The following TMOD1 variants were observed in gnomAD, a reference collection of about 807,000 sequenced individuals.
The protein encoded by TMOD1 is tropomodulin-1.
In TMOD1, 17 loss-of-function variants were observed where a neutral mutation model predicts 40.6. The ratio of observed to expected loss-of-function variants is 0.42; its 90% CI spans 0.29 to 0.63. The LOEUF is 0.63. Among genes scored for constraint, TMOD1 ranks in the 20% least tolerant of loss-of-function variants. The pLI is 0.22. For missense variants in TMOD1, 391 were observed against 447.6 expected, an observed-to-expected ratio of 0.87 and a Z score of 1.14; for synonymous variants, 181 against 175.0, an observed-to-expected ratio of 1.03 and a Z score of -0.27.
chr9:97,531,872 G>A (rs1564234306), intron 2 of TMOD1, among the ~76,000 whole-genome samples: 1 of 152,108 alleles, frequency 6.6e-6, no homozygotes, highest in Non-Finnish European at 1.5e-5. Context: ...AGACATCCAA[G>A]CATCAACAAA....
Position 97,529,720 on chromosome 9 carries a change from C to G in TMOD1, c.120+5412C>G, listed in dbSNP as rs112305993. On this transcript the variant is annotated intron_variant, in intron 2 of 9. Coordinates refer to ENST00000259365, the MANE Select transcript of TMOD1 (RefSeq NM_003275.4). ...TCTCTCTGGAGTTAAGTGGATGCTG[C>G]TCTGAAGCAGAGCCAGCTCCTCAGT... Among the ~76,000 whole-genome samples, 28 of 152,330 alleles carry G rather than the reference C, an allele frequency of 1.8e-4. 1 individual carries two copies. The highest frequency in any genetic ancestry group is 6.5e-4 in the African/African-American group (27 of 41,574).
chr9:97,584,251 G>A lies in TMOD1; in HGVS notation c.871-7040G>A, dbSNP rs565988954. Among the ~76,000 whole-genome samples the A allele has an allele frequency of 2.3e-3, 345 of 152,170 alleles. 2 individuals carry two copies. Among genetic ancestry groups the A allele is most frequent in the Non-Finnish European group, 3.5e-3 (236 of 68,016 alleles). The stretch of plus-strand genomic sequence containing the variant: ...ACAACTTTATTTCTGCCTTCATTTC[G>A]TTATGTACCCAGTAGTCATTCAGGA... On this transcript the variant is annotated intron_variant, in intron 8 of 9. Coordinates refer to ENST00000259365, the MANE Select transcript of TMOD1 (RefSeq NM_003275.4).
chr9:97,584,600 G>A (rs571513420), intron 8 of TMOD1, among the ~76,000 whole-genome samples: 2 of 152,142 alleles, frequency 1.3e-5, no homozygotes, highest in South Asian at 2.1e-4. Flanking sequence ...TGACAGTGGG[G>A]TGTTAAAGTC....
chr9:97,579,221 C>T (rs1166132281), intron 8 of TMOD1, among the ~76,000 whole-genome samples: 1 of 152,174 alleles, frequency 6.6e-6, no homozygotes, highest in African/African-American at 2.4e-5. Flanking sequence ...GCAATTCGTG[C>T]TTGTCCATTT....
At chr9:97,543,962 C>G (rs1378202438) in intron 2 of TMOD1, among the ~76,000 whole-genome samples, 2 of 152,170 alleles carry the variant, frequency 1.3e-5, no homozygotes, top group Non-Finnish European at 2.9e-5. Context: ...TGATGCCCCC[C>G]ACCCCAAAGT....
chr9:97,591,162 C>A, intron 8 of TMOD1, 129 bp from the exon 9 acceptor site: 3 of 986,990 alleles, frequency 3.0e-6, no homozygotes, highest in East Asian at 5.3e-5. Context: ...CATTTCCCTA[C>A]TCTTGGAGAG....
In TMOD1 at chr9:97,601,368, C is replaced by A; in HGVS notation, c.*1670C>A. ...CTGGATGACCTCAGTAAGAATGTGT[C>A]ATGTATTCCAGGTGCTGATCTAAAA... is the stretch of plus-strand genomic sequence containing the variant. On this transcript the variant is annotated 3_prime_UTR_variant, in exon 10 of 10. Transcript: ENST00000259365. 1 of 1,093,866 alleles carries A rather than the reference C, an allele frequency of 9.1e-7. No individual in the cohort carries two copies. The highest frequency in any genetic ancestry group is 1.1e-6 in the Non-Finnish European group (1 of 890,176). The allele number at this position is 1,093,866 out of a possible 1,614,324, so 67.8% of individuals were successfully genotyped here. A position where few individuals can be genotyped will look rare whatever the true frequency, so the allele number is the denominator to read the frequency against.
rs1469092225 is a variant in TMOD1 at position 97,546,257 on chromosome 9, G to A, written c.193G>A (p.Glu65Lys). ...TKAPTGPFKR[E>K]ELLDHLEKQA... ...GGCGCCCACGGGCCCCTTTAAAAGA[G>A]AGGAGCTCTTGGATCACTTGGAAAA... The change falls in exon 3 of 10, where the codon GAG (glutamate) becomes AAG (lysine). Residue 65 changes from glutamate (E) to lysine (K), a missense_variant. By Grantham distance (56) the Glu-to-Lys change is moderately conservative. Coordinates refer to ENST00000259365, the MANE Select transcript of TMOD1 (RefSeq NM_003275.4). The A allele has an allele frequency of 1.9e-6, 3 of 1,614,126 alleles. No individual in the cohort carries two copies. In the East Asian group the frequency reaches 6.7e-5, roughly 36 times the overall value.
chr9:97,518,307 G>A (rs1829856506), intron 1 of TMOD1, among the ~76,000 whole-genome samples: 1 of 152,216 alleles, frequency 6.6e-6, no homozygotes, highest in South Asian at 2.1e-4. Flanking sequence ...AGGAGCCTCT[G>A]CCGGCCAAGG....
At chr9:97,595,209 C>A (rs531200344) in intron 9 of TMOD1, among the ~76,000 whole-genome samples, 4 of 152,354 alleles carry the variant, frequency 2.6e-5, no homozygotes, top group African/African-American at 9.6e-5. Context: ...CATATCATCA[C>A]CTCAAATACT....
chr9:97,569,196 C>T (rs540911664), intron 8 of TMOD1, among the ~76,000 whole-genome samples, 159 bp downstream of exon 8: 39 of 152,166 alleles, frequency 2.6e-4, no homozygotes, highest in Non-Finnish European at 3.5e-4. Flanking sequence ...CACCCTCTAC[C>T]ACGCTCACCT....
intron 8 of TMOD1, among the ~76,000 whole-genome samples, chr9:97,584,277 G>T (rs2131285142): frequency 6.6e-6 from 1 of 152,290 alleles, no homozygotes; most frequent in Admixed American, 6.5e-5. Flanking sequence ...TCATTCAGGA[G>T]CAGGTTGTTC....
intron 8 of TMOD1, among the ~76,000 whole-genome samples, chr9:97,577,958 G>A (rs868566236): frequency 7.9e-5 from 12 of 152,232 alleles, no homozygotes; most frequent in Admixed American, 2.6e-4. Context: ...GTTTTTAGTC[G>A]TGGCTCCCCA....
intron 8 of TMOD1, among the ~76,000 whole-genome samples, chr9:97,579,306 C>A (rs1282686236): frequency 6.6e-6 from 1 of 152,204 alleles, no homozygotes; most frequent in African/African-American, 2.4e-5. Context: ...ATTCTGCACA[C>A]CTCGACCGAG....
intron 3 of TMOD1, among the ~76,000 whole-genome samples, chr9:97,549,997 A>T (rs1341630461): frequency 5.9e-5 from 9 of 152,124 alleles, no homozygotes; most frequent in Non-Finnish European, 1.3e-4. Context: ...GGCCCAAAAC[A>T]CTTTTATTGC....
At chr9:97,564,644 C>T (rs1162798059) in intron 6 of TMOD1, among the ~76,000 whole-genome samples, 1 of 152,210 alleles carries the variant, frequency 6.6e-6, no homozygotes, top group Non-Finnish European at 1.5e-5. Context: ...GTTTTACAGC[C>T]ACAGAAGGGA....
intron 2 of TMOD1, among the ~76,000 whole-genome samples, 187 bp from the exon 3 acceptor site, chr9:97,545,998 C>T (rs1830354004): frequency 6.6e-6 from 1 of 152,098 alleles, no homozygotes; most frequent in Non-Finnish European, 1.5e-5. Flanking sequence ...TGGACAAGTC[C>T]CTCCCTGTCC....
chr9:97,559,352 C>A (rs1374965857), intron 4 of TMOD1, among the ~76,000 whole-genome samples: 2 of 151,948 alleles, frequency 1.3e-5, no homozygotes, highest in Non-Finnish European at 2.9e-5. Flanking sequence ...GATGAACAAG[C>A]AAGTCTAATT....
At chr9:97,584,915 G>A (rs1247562799) in intron 8 of TMOD1, among the ~76,000 whole-genome samples, 2 of 152,144 alleles carry the variant, frequency 1.3e-5, no homozygotes, top group Admixed American at 1.3e-4. Context: ...AGTGAGATGG[G>A]TTTCCTGAAT....
Sources: allele counts gnomAD v4.1 joint callset (sites outside exome capture counted in the v4.1 genomes callset), GRCh38; gene constraint gnomAD v4.1.1; transcripts MANE v1.5; gene names NCBI Gene and HGNC (gene_info 2026-07-23, HGNC 2026-07-21).